CTNNA3: variants seen among roughly 807,000 people sequenced by gnomAD.
CTNNA3 encodes catenin alpha-3.
A neutral mutation model predicts 95.7 loss-of-function variants in CTNNA3; 76 were observed. The observed-to-expected ratio is 0.79, with a 90% CI of 0.66 to 0.96. The LOEUF (loss-of-function observed/expected upper bound fraction) is 0.96. CTNNA3 is among the 40% of genes least tolerant of loss of function. The probability of loss-of-function intolerance (pLI) is 0.00; values close to 1 mark genes in which losing one functional copy is unlikely to be tolerated. For missense variants in CTNNA3, 1,191 were observed against 1,089.8 expected (o/e 1.09, Z -1.31); for synonymous variants, 431 against 374.4 (o/e 1.15, Z -1.74).
intron 7 of CTNNA3, among the ~76,000 whole-genome samples, chr10:67,003,387 C>T (rs1851790605): frequency 6.6e-6 from 1 of 152,174 alleles, no homozygotes. Flanking sequence ...TCAAGCCCTA[C>T]ACCAATATTT....
At chr10:66,868,815 G>A (rs16923606) in intron 7 of CTNNA3, among the ~76,000 whole-genome samples, 9,989 of 151,458 alleles carry the variant, frequency 0.066, 710 homozygotes, top group East Asian at 0.33. Flanking sequence ...GCATAGAGGA[G>A]ACAAAATGGC....
At chr10:65,946,767 C>T (rs1024527122) in intron 17 of CTNNA3, among the ~76,000 whole-genome samples, 1 of 152,110 alleles carries the variant, frequency 6.6e-6, no homozygotes. Flanking sequence ...CTAAACATTT[C>T]TGTAAATATA....
intron 9 of CTNNA3, among the ~76,000 whole-genome samples, chr10:66,693,245 A>C (rs1847625828): frequency 6.6e-6 from 1 of 152,130 alleles, no homozygotes; most frequent in East Asian, 1.9e-4. Flanking sequence ...ACATAGGCTC[A>C]AAATAAAAGG....
intron 11 of CTNNA3, among the ~76,000 whole-genome samples, chr10:66,426,854 C>G (rs1589233025): frequency 6.6e-6 from 1 of 151,798 alleles, no homozygotes; most frequent in Non-Finnish European, 1.5e-5. Flanking sequence ...TCCTTTGATA[C>G]ATGTTATAAT....
rs528578169 is a variant in CTNNA3 at position 66,409,143 on chromosome 10, T to C, written c.1532-29791A>G. Among the ~76,000 whole-genome samples, 518 of 152,252 alleles carry C rather than the reference T, an allele frequency of 3.4e-3. 4 individuals are homozygous for C. Among genetic ancestry groups the C allele is most frequent in the African/African-American group, 0.012 (497 of 41,550 alleles). ...CAAATAGTGAATCTGCCTCTAGAAA[T>C]ATGGCTAATAAAGATGGCTTCAAAT... On this transcript the variant is annotated intron_variant, in intron 11 of 17. Transcript: ENST00000433211.
intron 15 of CTNNA3, among the ~76,000 whole-genome samples, chr10:66,038,154 A>G (rs12241423): frequency 0.057 from 8,704 of 152,322 alleles, 296 homozygotes; most frequent in East Asian, 0.17. Context: ...TCATGTCTAT[A>G]TGTAACCCAT....
chr10:66,725,618 G>C (rs1340713670), intron 9 of CTNNA3, among the ~76,000 whole-genome samples: 1 of 152,060 alleles, frequency 6.6e-6, no homozygotes, highest in Non-Finnish European at 1.5e-5. Flanking sequence ...ACATTGCCCA[G>C]TTACTCCACC....
At chr10:67,393,758 T>A (rs1224261192) in intron 5 of CTNNA3, among the ~76,000 whole-genome samples, 1 of 152,184 alleles carries the variant, frequency 6.6e-6, no homozygotes, top group Non-Finnish European at 1.5e-5. Context: ...GGGGTTTCTG[T>A]ACTAGTTGGA....
intron 7 of CTNNA3, among the ~76,000 whole-genome samples, chr10:66,941,750 G>C (rs1564783498): frequency 6.6e-6 from 1 of 152,134 alleles, no homozygotes; most frequent in Non-Finnish European, 1.5e-5. Flanking sequence ...AGCTGAGTGT[G>C]GCTGAAAGAG....
chr10:67,519,213 T>C (rs1218365146), intron 5 of CTNNA3, among the ~76,000 whole-genome samples: 1 of 152,110 alleles, frequency 6.6e-6, no homozygotes, highest in Non-Finnish European at 1.5e-5. Context: ...ACTCCAGTAG[T>C]CTTATCTTGT....
intron 5 of CTNNA3, among the ~76,000 whole-genome samples, chr10:67,319,808 A>T (rs1841229628): frequency 1.3e-5 from 2 of 150,716 alleles, no homozygotes; most frequent in South Asian, 4.2e-4. Context: ...AGGCAGGAGA[A>T]TCACTTGAAC....
At chr10:67,078,876 G>T (rs1291170515) in intron 7 of CTNNA3, among the ~76,000 whole-genome samples, 1 of 152,152 alleles carries the variant, frequency 6.6e-6, no homozygotes, top group Non-Finnish European at 1.5e-5. Context: ...CAGGACACTT[G>T]TAATTTTGAC....
intron 13 of CTNNA3, among the ~76,000 whole-genome samples, chr10:66,239,774 G>A (rs2090022133): frequency 1.3e-5 from 2 of 151,782 alleles, no homozygotes; most frequent in South Asian, 4.1e-4. Context: ...AAGACATGTT[G>A]CTGTGGCATA....
chr10:66,293,735 G>A (rs192391590), intron 12 of CTNNA3, among the ~76,000 whole-genome samples: 4 of 146,472 alleles, frequency 2.7e-5, no homozygotes, highest in Admixed American at 6.9e-5. Context: ...GTGCGATCTC[G>A]GCTCACTGCA....
intron 7 of CTNNA3, among the ~76,000 whole-genome samples, chr10:67,024,455 A>T (rs1458527647): frequency 6.6e-6 from 1 of 152,212 alleles, no homozygotes; most frequent in Non-Finnish European, 1.5e-5. Context: ...TTGCTGTGAA[A>T]GGTAACATAG....
chr10:67,609,538 G>C (rs1589484813), intron 2 of CTNNA3, among the ~76,000 whole-genome samples: 2 of 152,034 alleles, frequency 1.3e-5, no homozygotes, highest in Admixed American at 1.3e-4. Flanking sequence ...TTACCCAATA[G>C]ATCCTCTGTT....
chr10:67,166,205 A>G (rs975183704), intron 7 of CTNNA3, among the ~76,000 whole-genome samples: 7 of 152,246 alleles, frequency 4.6e-5, no homozygotes, highest in Non-Finnish European at 1.0e-4. Context: ...GCAGGTGATC[A>G]TAACGCACAT....
intron 7 of CTNNA3, among the ~76,000 whole-genome samples, chr10:67,177,664 A>G (rs772648416): frequency 1.2e-4 from 18 of 152,330 alleles, no homozygotes; most frequent in Non-Finnish European, 1.8e-4. Context: ...GAGTTCAGCT[A>G]GTTCCAGAAA....
At chr10:67,050,744 A>G (rs926919994) in intron 7 of CTNNA3, among the ~76,000 whole-genome samples, 2 of 152,200 alleles carry the variant, frequency 1.3e-5, no homozygotes, top group African/African-American at 4.8e-5. Flanking sequence ...ACTCGCATCA[A>G]ATTATTTACT....
Sources: gnomAD v4.1 joint callset for allele counts (sites outside exome capture counted in the v4.1 genomes callset) on GRCh38, gnomAD v4.1.1 for gene constraint, MANE v1.5 for transcripts, NCBI Gene and HGNC (gene_info 2026-07-23, HGNC 2026-07-21) for gene names.